Variants in ACBD6 observed in about 807,000 individuals in gnomAD.
The protein encoded by ACBD6 is acyl-CoA binding domain containing 6, also known as acyl-CoA-binding domain-containing protein 6.
Under a neutral mutation model 37.2 loss-of-function variants are expected in ACBD6, and 28 were observed. The observed-to-expected ratio is 0.75, with a 90% CI of 0.56 to 1.03. The LOEUF is 1.03. Ranked by LOEUF, ACBD6 falls within the 50% of genes least tolerant of loss-of-function variation. ACBD6 has a pLI of 0.00. For missense variants in ACBD6, 340 were observed against 337.4 expected (o/e 1.01, Z -0.06); for synonymous variants, 113 against 126.8 (o/e 0.89, Z 0.73).
At chr1:180,478,218 ATTT>A (rs1284752320) in intron 3 of ACBD6, among the ~76,000 whole-genome samples, 1 of 152,094 alleles carries the variant, frequency 6.6e-6, no homozygotes, top group Non-Finnish European at 1.5e-5. Context: ...ATTAAAATGT[ATTT>A]TTATTTATTA....
chr1:180,339,045 G>A (rs1409867282), intron 6 of ACBD6, among the ~76,000 whole-genome samples: 1 of 152,222 alleles, frequency 6.6e-6, no homozygotes. Context: ...GTGCTAGAGA[G>A]GATGTGGAGA....
chr1:180,333,747 G>A (rs1258694750), intron 6 of ACBD6, among the ~76,000 whole-genome samples: 2 of 152,230 alleles, frequency 1.3e-5, no homozygotes, highest in African/African-American at 4.8e-5. Flanking sequence ...CAAGGGGTCA[G>A]GGAATTCCCT....
intron 1 of ACBD6, 96 bp from the exon 2 acceptor site, chr1:180,495,621 G>T: frequency 1.0e-6 from 1 of 959,998 alleles, no homozygotes; most frequent in Non-Finnish European, 1.6e-6. Flanking sequence ...AGTAACCATA[G>T]GTTGGAAAAT....
chr1:180,345,040 T>C (rs1372654431), intron 6 of ACBD6, among the ~76,000 whole-genome samples: 1 of 152,200 alleles, frequency 6.6e-6, no homozygotes, highest in Non-Finnish European at 1.5e-5. Context: ...TGCTATACTT[T>C]TTCAAGTTAT....
At chr1:180,435,681 A>C in intron 3 of ACBD6, 1 of 910,644 alleles carries the variant, frequency 1.1e-6, no homozygotes, top group Non-Finnish European at 1.8e-6. Flanking sequence ...ATTTACCAGA[A>C]GGTGAACAAG....
At chr1:180,496,875 A>G (rs1651761239) in intron 1 of ACBD6, among the ~76,000 whole-genome samples, 1 of 152,054 alleles carries the variant, frequency 6.6e-6, no homozygotes, top group African/African-American at 2.4e-5. Flanking sequence ...CAAAAAAAAA[A>G]TCCTGCTAGG....
chr1:180,418,371 A>G (rs1014487180), intron 4 of ACBD6, among the ~76,000 whole-genome samples: 1 of 152,146 alleles, frequency 6.6e-6, no homozygotes, highest in African/African-American at 2.4e-5. Context: ...TGAGCGCAGG[A>G]GTTTGAGACC....
At chr1:180,318,174 C>CT (rs541331902) in intron 6 of ACBD6, among the ~76,000 whole-genome samples, 3 of 96,112 alleles carry the variant, frequency 3.1e-5, no homozygotes, top group Non-Finnish European at 6.1e-5. Context: ...CCCCCCCCCC[C>CT]CAAAAAAAAA....
At chr1:180,430,337 T>C in intron 3 of ACBD6, 75 bp from the exon 4 acceptor site, 3 of 1,271,402 alleles carry the variant, frequency 2.4e-6, no homozygotes, top group Non-Finnish European at 3.4e-6. Flanking sequence ...AGTTACAAAA[T>C]GTTATTTTGC....
In ACBD6 at chr1:180,288,292, A is replaced by T; in HGVS notation, c.*71T>A. On this transcript the variant is annotated 3_prime_UTR_variant, in exon 8 of 8. Transcript: ENST00000367595. ...TACCAAAGACGGGTGGAAAAGAAGT[A>T]TTATTTTTGTAGTTTTCTTTCATAA... The T allele has an allele frequency of 6.3e-7, 1 of 1,599,020 alleles. No homozygotes were observed. The highest frequency in any genetic ancestry group is 1.1e-5 in the South Asian group (1 of 89,874).
chr1:180,269,704 G>A (rs547216042), exon 14 of ACBD6: 1 of 152,332 alleles, frequency 6.6e-6, no homozygotes, highest in Admixed American at 6.5e-5. Flanking sequence ...TTGTACACAA[G>A]TGCACTATTT....
At chr1:180,386,529 C>G (rs1653851115) in intron 6 of ACBD6, among the ~76,000 whole-genome samples, 1 of 152,172 alleles carries the variant, frequency 6.6e-6, no homozygotes, top group Admixed American at 6.5e-5. Flanking sequence ...CACACTCTTT[C>G]TCCTCTCCTT....
intron 3 of ACBD6, among the ~76,000 whole-genome samples, chr1:180,488,879 C>T (rs1368784601): frequency 1.3e-5 from 2 of 152,178 alleles, no homozygotes; most frequent in African/African-American, 4.8e-5. Flanking sequence ...CCACACCTGG[C>T]CTTAGCTGGC....
intron 3 of ACBD6, among the ~76,000 whole-genome samples, chr1:180,471,084 C>T (rs1281306044): frequency 6.6e-6 from 1 of 152,042 alleles, no homozygotes; most frequent in Non-Finnish European, 1.5e-5. Flanking sequence ...TTCTTTGCTC[C>T]TAAGTGACGC....
intron 3 of ACBD6, among the ~76,000 whole-genome samples, chr1:180,460,919 C>G (rs1053835519): frequency 6.6e-6 from 1 of 152,146 alleles, no homozygotes; most frequent in Non-Finnish European, 1.5e-5. Context: ...ACAACAGAAA[C>G]AGACCTCACC....
chr1:180,376,726 A>G (rs1653450812), intron 6 of ACBD6, among the ~76,000 whole-genome samples: 1 of 152,204 alleles, frequency 6.6e-6, no homozygotes, highest in South Asian at 2.1e-4. Context: ...AGGACTGAAA[A>G]GACAGAGATG....
At chr1:180,304,453 T>C (rs1015649217) in intron 7 of ACBD6, among the ~76,000 whole-genome samples, 1 of 150,804 alleles carries the variant, frequency 6.6e-6, no homozygotes, top group African/African-American at 2.4e-5. Flanking sequence ...AGCATTCTTA[T>C]ACAACAATAA....
rs569266172 is a variant in ACBD6 at position 180,339,572 on chromosome 1, A to G, written c.664-24850T>C. Reference sequence around the variant, plus strand: ...AGGGAGGGATAGCGTTAGGAGATATAGCTAATGTAAATGACGAGTTAATGG... The same window carrying G: ...AGGGAGGGATAGCGTTAGGAGATATGGCTAATGTAAATGACGAGTTAATGG... On this transcript the variant is annotated intron_variant, in intron 6 of 7. Coordinates refer to ENST00000367595, the MANE Select transcript of ACBD6 (RefSeq NM_032360.4). Among the ~76,000 whole-genome samples the G allele has an allele frequency of 9.8e-5, 15 of 152,326 alleles. No homozygotes were observed. The South Asian group carries it at 3.1e-3, about 32-fold the overall frequency.
At chr1:180,364,565 TA>T (rs1157035355) in intron 6 of ACBD6, among the ~76,000 whole-genome samples, 3 of 152,064 alleles carry the variant, frequency 2.0e-5, no homozygotes, top group African/African-American at 7.2e-5. Flanking sequence ...ATTTAACAGG[TA>T]GGAGAAATTT....
Sources: allele counts gnomAD v4.1 joint callset (sites outside exome capture counted in the v4.1 genomes callset), GRCh38; gene constraint gnomAD v4.1.1; transcripts MANE v1.5; gene names NCBI Gene and HGNC (gene_info 2026-07-23, HGNC 2026-07-21).